The following INPP5A variants were observed in gnomAD, a reference collection of about 807,000 sequenced individuals.
The protein encoded by INPP5A is 43 kDa inositol polyphosphate 5-phophatase.
Under a neutral mutation model 65.2 loss-of-function variants are expected in INPP5A, and 14 were observed. The ratio of observed to expected loss-of-function variants is 0.21; its 90% CI spans 0.14 to 0.34. INPP5A has a LOEUF of 0.34. Among genes scored for constraint, INPP5A ranks in the 10% least tolerant of loss-of-function variants. The pLI is 1.00. For synonymous variants in INPP5A, 207 were observed against 208.3 expected (o/e 0.99, Z 0.05); for missense variants, 431 against 545.6 (o/e 0.79, Z 2.09).
Position 132,752,233 on chromosome 10 carries a change from C to T in INPP5A, c.903+2388C>T, listed in dbSNP as rs1846498927. 2.0e-5 allele frequency among the ~76,000 whole-genome samples: 3 copies of T among 151,962 alleles called. 1 individual carries two copies. Among genetic ancestry groups the T allele is most frequent in the Admixed American group, 2.0e-4 (3 of 15,264 alleles). On this transcript the variant is annotated intron_variant, in intron 11 of 15. Transcript: ENST00000368594. ...CTCCTCAGTGCCAGGGGAGCAAAGT[C>T]TCCGGGGACCTTGCACAGGGCATGA...
rs542113141 is a variant in INPP5A, at chr10:132,549,670, T to C, written c.75+11499T>C. On this transcript the variant is annotated intron_variant, in intron 1 of 15. Transcript: ENST00000368594. The surrounding 1 kb of genome is among the most constrained non-coding windows in gnomAD (Gnocchi z 4.9). ...AGCAGGAGCAGACAGGTGCGTGTCC[T>C]GGAGCTCTGCAGCTGCAGGGCGGGA... is the stretch of plus-strand genomic sequence containing the variant. Among the ~76,000 whole-genome samples the C allele has an allele frequency of 5.9e-5, 9 of 152,328 alleles. No homozygotes were observed. The East Asian group carries it at 1.7e-3, about 29-fold the overall frequency.
chr10:132,631,427 G>C (rs2072271708), intron 2 of INPP5A, among the ~76,000 whole-genome samples: 1 of 152,228 alleles, frequency 6.6e-6, no homozygotes, highest in African/African-American at 2.4e-5. Flanking sequence ...ATTTTAAACA[G>C]GGTGTTTTCC....
intron 6 of INPP5A, among the ~76,000 whole-genome samples, chr10:132,701,608 C>T (rs920904254): frequency 8.5e-5 from 13 of 152,374 alleles, no homozygotes; most frequent in African/African-American, 2.2e-4. Context: ...CAGCACTTCC[C>T]GGCCCTGCTC....
rs113412976 is a variant in INPP5A at position 132,688,210 on chromosome 10, G to C, written c.307-2182G>C. Among the ~76,000 whole-genome samples, 451 of 152,346 alleles carry C rather than the reference G, an allele frequency of 3.0e-3. 2 individuals carry two copies. The highest frequency in any genetic ancestry group is 0.011 in the African/African-American group (439 of 41,578). Reference sequence around the variant, plus strand: ...GGGACCAGGCCAGAGTTACTGGCACGATTGGCCCTCAGCAGGCCCAGAACA... The same window carrying C: ...GGGACCAGGCCAGAGTTACTGGCACCATTGGCCCTCAGCAGGCCCAGAACA... On this transcript the variant is annotated intron_variant, in intron 4 of 15. Coordinates refer to ENST00000368594, the MANE Select transcript of INPP5A (RefSeq NM_005539.5).
At chr10:132,646,217 C>T (rs1054364463) in intron 3 of INPP5A, among the ~76,000 whole-genome samples, 1 of 152,186 alleles carries the variant, frequency 6.6e-6, no homozygotes. Context: ...TCTGTGCTCT[C>T]GGGCCAGGGG....
Position 132,777,721 on chromosome 10 carries a change from G to A in INPP5A, c.1028G>A (p.Arg343Gln). The part of the protein sequence containing the change: ...ARQGEQYMNT[R>Q]CPAWCDRILM... ...CAGGGTGAGCAGTACATGAACACCC[G>A]GTGCCCAGCCTGGTGTGACCGCATC... Residue 343 changes from arginine to glutamine, a missense_variant, in exon 13 of 16, where the codon CGG (arginine) becomes CAG (glutamine). Transcript: ENST00000368594. 2 of 1,613,032 alleles carry A rather than the reference G, an allele frequency of 1.2e-6. No homozygotes were observed. The highest frequency in any genetic ancestry group is 2.2e-5 in the East Asian group (1 of 44,888).
chr10:132,766,961 T>C (rs1457578494), intron 12 of INPP5A, among the ~76,000 whole-genome samples: 264 of 110,484 alleles, frequency 2.4e-3, no homozygotes, highest in African/African-American at 9.5e-3. Flanking sequence ...GGGTGGGAGT[T>C]GGAGGATGTG....
chr10:132,767,070 G>A (rs1370056494), intron 12 of INPP5A, among the ~76,000 whole-genome samples: 2 of 142,464 alleles, frequency 1.4e-5, no homozygotes, highest in African/African-American at 5.3e-5. Flanking sequence ...CAGAGGATGC[G>A]GCCTCAGGGA....
intron 9 of INPP5A, among the ~76,000 whole-genome samples, chr10:132,728,255 AC>A (rs1461956081): frequency 4.6e-5 from 7 of 152,186 alleles, no homozygotes; most frequent in Admixed American, 3.3e-4. Context: ...TTTTTAAAGC[AC>A]ACATCCCCCA....
intron 1 of INPP5A, among the ~76,000 whole-genome samples, chr10:132,592,404 ATGTTTGTTTGTT>A (rs55925235): frequency 1.4e-4 from 22 of 151,788 alleles, no homozygotes; most frequent in South Asian, 1.3e-3. Context: ...TGGGGCAAAA[ATGTTTGTTTGTT>A]TGTTTGTTTG....
chr10:132,704,917 C>A lies in INPP5A; in HGVS notation c.475-3396C>A, dbSNP rs1399223746. 6.9e-6 allele frequency among the ~76,000 whole-genome samples: 1 copy of A among 145,424 alleles called. No individual in the cohort carries two copies. Among genetic ancestry groups the A allele is most frequent in the African/African-American group, 2.5e-5 (1 of 39,494 alleles). On this transcript the variant is annotated intron_variant, in intron 6 of 15. Transcript: ENST00000368594. The surrounding 1 kb of genome is among the most constrained non-coding windows in gnomAD (Gnocchi z 4.5). ...GGAGGATGGAGGAAGGGCGTCTGGA[C>A]AGGCGGCAGGCAGCTCCTCTGGAGT...
chr10:132,772,861 C>T (rs1481999024), intron 12 of INPP5A, among the ~76,000 whole-genome samples: 12 of 121,708 alleles, frequency 9.9e-5, no homozygotes, highest in African/African-American at 3.2e-4. Context: ...GGGACGGACA[C>T]TCAGCACTGA....
In INPP5A at chr10:132,641,789, T is replaced by C. The variant is rs563950193; in HGVS notation, c.118-4079T>C. Among the ~76,000 whole-genome samples the C allele has an allele frequency of 2.6e-5, 4 of 152,364 alleles. No homozygotes were observed. In the East Asian group the frequency reaches 7.7e-4, roughly 29 times the overall value. ...TAAAGATCTTATCATTTTGATAACT[T>C]GGTTTTCAAAGGAAGTGTGGCCTTT... On this transcript the variant is annotated intron_variant, in intron 2 of 15. Coordinates refer to ENST00000368594, the MANE Select transcript of INPP5A (RefSeq NM_005539.5).
intron 2 of INPP5A, among the ~76,000 whole-genome samples, chr10:132,617,447 G>C (rs187679325): frequency 5.7e-4 from 87 of 152,322 alleles, no homozygotes; most frequent in Admixed American, 1.7e-3. Context: ...CACGCTCACT[G>C]CCTGGGTGAG....
At chr10:132,602,882 T>C (rs1170177376) in intron 1 of INPP5A, among the ~76,000 whole-genome samples, 1 of 152,180 alleles carries the variant, frequency 6.6e-6, no homozygotes, top group African/African-American at 2.4e-5. Flanking sequence ...AGAGGTCCTT[T>C]CTTTCCTTTT....
rs201778269 is a variant in INPP5A, at chr10:132,553,995, G to A, written c.75+15824G>A. ...TCAGAGCCTTGGTGGAATATTGAGT[G>A]GGATAGGGAGAGAGGATTGGTGAAC... On this transcript the variant is annotated intron_variant, in intron 1 of 15. Coordinates refer to ENST00000368594, the MANE Select transcript of INPP5A (RefSeq NM_005539.5). Among the ~76,000 whole-genome samples the A allele has an allele frequency of 4.7e-4, 66 of 140,210 alleles. No individual in the cohort carries two copies. In the East Asian group the frequency reaches 0.011, roughly 24 times the overall value. 92.0% of individuals were successfully genotyped at this position (140,210 alleles called of 152,430 possible).
At chr10:132,635,984 A>C (rs944649536) in intron 2 of INPP5A, among the ~76,000 whole-genome samples, 1 of 122,328 alleles carries the variant, frequency 8.2e-6, no homozygotes. Context: ...TCTCAAAGAC[A>C]AAAAAAAAAA....
rs767660812 is a variant in INPP5A, at chr10:132,637,184, A to G, written c.118-8684A>G. Among the ~76,000 whole-genome samples the G allele has an allele frequency of 1.3e-5, 2 of 152,212 alleles. No homozygotes were observed. Among genetic ancestry groups the G allele is most frequent in the Non-Finnish European group, 2.9e-5 (2 of 68,042 alleles). On this transcript the variant is annotated intron_variant, in intron 2 of 15. Transcript: ENST00000368594. This position sits in a 1 kb window ranked among gnomAD's most constrained non-coding sequence, Gnocchi z 4.1. Reference sequence around the variant, plus strand: ...ATCCGCCCGCTGCCTCGGCCTCCCAAAGTGGTGGGATTACAGGCGTGAGCC... The same window carrying G: ...ATCCGCCCGCTGCCTCGGCCTCCCAGAGTGGTGGGATTACAGGCGTGAGCC...
chr10:132,566,790 C>T (rs1475112609), intron 1 of INPP5A, among the ~76,000 whole-genome samples: 2 of 152,064 alleles, frequency 1.3e-5, no homozygotes, highest in Middle Eastern at 3.2e-3. Flanking sequence ...CCCATGTAAC[C>T]ACAGTTGTGT....
Sources: gnomAD v4.1 joint callset for allele counts (sites outside exome capture counted in the v4.1 genomes callset) on GRCh38, gnomAD v4.1.1 for gene constraint, Gnocchi (gnomAD v3.1) non-coding constraint, MANE v1.5 for transcripts, NCBI Gene and HGNC (gene_info 2026-07-23, HGNC 2026-07-21) for gene names.